The following MARF1 variants were observed in gnomAD, a reference collection of about 807,000 sequenced individuals.
MARF1 encodes limkain-b1.
A neutral mutation model predicts 168.2 loss-of-function variants in MARF1; 24 were observed. The observed-to-expected ratio is 0.14, with a 90% CI of 0.10 to 0.20. MARF1 has a LOEUF of 0.20. Among genes scored for constraint, MARF1 ranks in the 10% least tolerant of loss-of-function variants. The pLI is 1.00. For synonymous variants in MARF1, 868 were observed against 822.4 expected (o/e 1.06, Z -0.95); for missense variants, 1,744 against 2,143.6 (o/e 0.81, Z 3.68).
At chr16:15,603,929 A>C (rs982254857) in intron 22 of MARF1, among the ~76,000 whole-genome samples, 1 of 152,126 alleles carries the variant, frequency 6.6e-6, no homozygotes, top group African/African-American at 2.4e-5. Context: ...CCAGGCTTTC[A>C]TCCTAGAACG....
At chr16:15,642,980 C>T (rs1249619157) in intron 1 of MARF1, 38 bp downstream of exon 1, 1 of 231,988 alleles carries the variant, frequency 4.3e-6, no homozygotes, top group Non-Finnish European at 8.6e-6. Context: ...GGAGCAGAGC[C>T]TGCCGGGGTC....
Position 15,600,306 on chromosome 16 carries a change from T to C in MARF1, c.4813+122A>G, listed in dbSNP as rs548541698. 694 of 1,285,818 alleles carry C rather than the reference T, an allele frequency of 5.4e-4. 3 individuals carry two copies. The highest frequency in any genetic ancestry group is 8.2e-4 in the Middle Eastern group (3 of 3,642). The allele number at this position is 1,285,818 out of a possible 1,614,324, so 79.7% of individuals were successfully genotyped here. On this transcript the variant is annotated intron_variant, in intron 25 of 26. Coordinates refer to ENST00000396368, the MANE Select transcript of MARF1 (RefSeq NM_014647.4). ...TACCAAAACTGCTTTGAAAAATGTG[T>C]GGCTATGTAACTTCAGCAGATTGGA... is the stretch of plus-strand genomic sequence containing the variant.
intron 16 of MARF1, among the ~76,000 whole-genome samples, chr16:15,614,650 G>T (rs1012834548): frequency 5.3e-5 from 8 of 151,500 alleles, no homozygotes; most frequent in African/African-American, 1.7e-4. Context: ...AAAATTAGCC[G>T]GGCGTGGTGG....
rs776285693 is a variant in MARF1, at chr16:15,633,797, G to A, written c.1053C>T (p.Pro351=). The A allele has an allele frequency of 6.2e-7, 1 of 1,613,872 alleles. No homozygotes were observed. The highest frequency in any genetic ancestry group is 1.1e-5 in the South Asian group (1 of 91,026). ...CAATATCCCAAAAAACTCCAATGGG[G>A]GGTAAGTTTTCTAGCACCTGTCCAG... The part of the protein sequence containing the change: ...AVAGQVLENL[P]PIGVFWDIEN... The change falls in exon 5 of 27, where the codon CCC becomes CCT. Residue 351 remains proline (P), a synonymous_variant. Transcript: ENST00000396368.
In MARF1 at chr16:15,634,921, T is replaced by C. The variant is rs778912945; in HGVS notation, c.842A>G (p.Asn281Ser). ...GACTTTAGCCGCATCGATTATGCTA[T>C]TTCTTGCTGGCTGTTTTAAATTTTT... is the stretch of plus-strand genomic sequence containing the variant. Reference protein sequence around the residue: ...CEDCLNKPARNSIIDAAKVWP... With the variant: ...CEDCLNKPARSSIIDAAKVWP... Residue 281 changes from asparagine (N) to serine (S), a missense_variant, in exon 4 of 27, where the codon AAT becomes AGT. This residue lies in a region of MARF1 where 217 missense variants were observed against 372.4 expected (regional missense o/e 0.58). Transcript: ENST00000396368. 6.2e-7 allele frequency: 1 copy of C among 1,611,034 alleles called. No individual in the cohort carries two copies. The highest frequency in any genetic ancestry group is 8.5e-7 in the Non-Finnish European group (1 of 1,178,996).
chr16:15,617,276 C>G (rs752315228), intron 14 of MARF1, 23 bp downstream of exon 14: 85 of 1,611,508 alleles, frequency 5.3e-5, no homozygotes, highest in Non-Finnish European at 6.7e-5. Context: ...AGAATTACTT[C>G]TAAAGGAAAA....
Position 15,621,737 on chromosome 16 carries a change from G to A in MARF1, c.2635C>T (p.Leu879=). 2 of 1,613,894 alleles carry A rather than the reference G, an allele frequency of 1.2e-6. No individual in the cohort carries two copies. The highest frequency in any genetic ancestry group is 1.7e-6 in the Non-Finnish European group (2 of 1,179,898). ...TGAASKSLSL[L]SAETMSVLQD... The stretch of plus-strand genomic sequence containing the variant: ...AACAGCTTGCTTGTTTCTTACCTCA[G>A]TAAAGAGAGTGATTTGCTGGCAGCC... Residue 879 remains leucine (L), a synonymous_variant, in exon 12 of 27, where the codon CTG becomes TTG. Transcript: ENST00000396368.
chr16:15,628,568 C>G (rs1408727508), intron 7 of MARF1, among the ~76,000 whole-genome samples: 1 of 152,018 alleles, frequency 6.6e-6, no homozygotes, highest in Non-Finnish European at 1.5e-5. Flanking sequence ...GCCACCACAC[C>G]TGGCTAATTT....
chr16:15,639,028 T>TGGACCTC, intron 2 of MARF1, 62 bp downstream of exon 2: 17 of 1,526,630 alleles, frequency 1.1e-5, no homozygotes, highest in South Asian at 7.4e-5. Flanking sequence ...CCAGACCAAA[T>TGGACCTC]GGACCTCTCT....
rs2034475050 is a variant in MARF1 at position 15,621,718 on chromosome 16, T to C, written c.2639+15A>G. 3 of 1,601,340 alleles carry C rather than the reference T, an allele frequency of 1.9e-6. No individual in the cohort carries two copies. The highest frequency in any genetic ancestry group is 2.6e-6 in the Non-Finnish European group (3 of 1,175,194). The stretch of plus-strand genomic sequence containing the variant: ...AATGTTATTTCCTGAAATAAACAGC[T>C]TGCTTGTTTCTTACCTCAGTAAAGA... On this transcript the variant is annotated intron_variant, in intron 12 of 26. Coordinates refer to ENST00000396368, the MANE Select transcript of MARF1 (RefSeq NM_014647.4).
Position 15,621,107 on chromosome 16 carries a change from A to AC in MARF1, c.2640-577_2640-576insG, listed in dbSNP as rs1007236725. ...CATTTTTATTCTGAGAACAACAACA[A>AC]AAAAAAAACCCGTAACTCGTAATTT... On this transcript the variant is annotated intron_variant, in intron 12 of 26. Transcript: ENST00000396368. Among the ~76,000 whole-genome samples the AC allele has an allele frequency of 6.1e-5, 7 of 114,672 alleles. No individual in the cohort carries two copies. In the South Asian group the frequency reaches 7.6e-4, roughly 12 times the overall value. 75.2% of individuals were successfully genotyped at this position (114,672 alleles called of 152,430 possible).
chr16:15,642,210 AC>A (rs1162226942), intron 1 of MARF1, among the ~76,000 whole-genome samples: 1 of 152,040 alleles, frequency 6.6e-6, no homozygotes, highest in Admixed American at 6.6e-5. Flanking sequence ...CCATCCCATT[AC>A]CGTTTTCTCC....
chr16:15,639,638 T>G (rs1189219072), intron 1 of MARF1, among the ~76,000 whole-genome samples: 1 of 152,170 alleles, frequency 6.6e-6, no homozygotes, highest in African/African-American at 2.4e-5. Context: ...TGACCTCAAG[T>G]GATCCACCCT....
intron 7 of MARF1, among the ~76,000 whole-genome samples, chr16:15,628,094 TTAAA>T (rs772266490): frequency 9.8e-5 from 15 of 152,294 alleles, no homozygotes; most frequent in African/African-American, 2.9e-4. Context: ...GGTAGACTGG[TTAAA>T]TAAAGACCAG....
At chr16:15,609,303 C>T (rs1173915286) in intron 20 of MARF1, among the ~76,000 whole-genome samples, 1 of 152,010 alleles carries the variant, frequency 6.6e-6, no homozygotes, top group Non-Finnish European at 1.5e-5. Context: ...AATAATTACC[C>T]CCAAAACAAG....
chr16:15,606,636 C>G (rs930893627), intron 21 of MARF1, among the ~76,000 whole-genome samples: 2 of 152,102 alleles, frequency 1.3e-5, no homozygotes, highest in African/African-American at 4.8e-5. Context: ...AACATCAGAC[C>G]TGCCCATGCC....
chr16:15,635,571 A>G (rs1169521530), intron 3 of MARF1, 85 bp downstream of exon 3: 4 of 1,230,724 alleles, frequency 3.3e-6, no homozygotes, highest in East Asian at 2.5e-5. Context: ...AACCCCATGT[A>G]TAATACTTTT....
chr16:15,620,755 C>A (rs1454391048), intron 12 of MARF1, among the ~76,000 whole-genome samples: 1 of 152,170 alleles, frequency 6.6e-6, no homozygotes, highest in Non-Finnish European at 1.5e-5. Context: ...ATAGGGTTTT[C>A]CACACCAGTG....
chr16:15,602,502 AGAC>A (rs559552651), intron 22 of MARF1: 73 of 546,856 alleles, frequency 1.3e-4, no homozygotes, highest in Middle Eastern at 9.7e-4. Context: ...GACAAGACGA[AGAC>A]GACGATGAAG....
Sources: allele counts gnomAD v4.1 joint callset (sites outside exome capture counted in the v4.1 genomes callset), GRCh38; gene constraint gnomAD v4.1.1; regional missense constraint gnomAD v4.1.1; transcripts MANE v1.5; gene names NCBI Gene and HGNC (gene_info 2026-07-23, HGNC 2026-07-21).